PRRC2A: variants seen among roughly 807,000 people sequenced by gnomAD.
The protein encoded by PRRC2A is protein PRRC2A.
Under a neutral mutation model 224.6 loss-of-function variants are expected in PRRC2A, and 59 were observed. The observed-to-expected ratio is 0.26, with a 90% CI of 0.21 to 0.33. PRRC2A has a LOEUF of 0.33. Ranked by LOEUF, PRRC2A falls within the 10% of genes least tolerant of loss-of-function variation. PRRC2A has a pLI of 1.00. For missense variants in PRRC2A, 3,095 were observed against 2,880.7 expected (o/e 1.07, Z -1.70); for synonymous variants, 1,194 against 1,109.5 (o/e 1.08, Z -1.51).
At chr6:31,621,563 C>G (rs533667648) in intron 1 of PRRC2A, among the ~76,000 whole-genome samples, 2 of 151,802 alleles carry the variant, frequency 1.3e-5, no homozygotes, top group South Asian at 2.1e-4. Context: ...TAGTTTTGGT[C>G]TATTCGCTAC....
chr6:31,620,909 T>TGGCGGTGGCGGTGGC (rs1554121046), intron 1 of PRRC2A, 51 bp downstream of exon 1: 3 of 154,140 alleles, frequency 1.9e-5, no homozygotes, highest in African/African-American at 7.3e-5. Context: ...GCGGGAGAGG[T>TGGCGGTGGCGGTGGC]GGTGGCGGTG....
rs1777399995 is a variant in PRRC2A, at chr6:31,636,771, G to A, written c.5973G>A (p.Val1991=). 2 of 1,607,142 alleles carry A rather than the reference G, an allele frequency of 1.2e-6. No individual in the cohort carries two copies. Among genetic ancestry groups the A allele is most frequent in the Non-Finnish European group, 1.7e-6 (2 of 1,179,992 alleles). Residue 1991 remains valine (V), a synonymous_variant, in exon 28 of 31, where the codon GTG becomes GTA. Coordinates refer to ENST00000376033, the MANE Select transcript of PRRC2A (RefSeq NM_004638.4). The surrounding 1 kb of genome is among the most constrained non-coding windows in gnomAD (Gnocchi z 4.3). ...LPMVDSQLPV[V]NFGSLPPAPP... ...TGGTAGACTCACAGCTGCCTGTGGT[G>A]AACTTTGGCTCCCTGCCGCCAGCAC...
chr6:31,626,228 T>A (rs755563569), intron 9 of PRRC2A, 66 bp downstream of exon 9: 1 of 1,525,970 alleles, frequency 6.6e-7, no homozygotes, highest in Non-Finnish European at 9.0e-7. Flanking sequence ...GAAAAAAAAA[T>A]ACAGGGTTAT....
intron 3 of PRRC2A, 100 bp from the exon 4 acceptor site, chr6:31,624,161 A>G (rs1775627986): frequency 2.4e-6 from 3 of 1,236,102 alleles, no homozygotes; most frequent in South Asian, 1.3e-5. Flanking sequence ...ATATTTGTAA[A>G]TGGTAGCAAT....
rs750814968 is a variant in PRRC2A at position 31,624,244 on chromosome 6, C to T, written c.291-17C>T. The stretch of plus-strand genomic sequence containing the variant: ...GGCATCTCAGGTGTGAATAACCTTC[C>T]CATTCTGTCCCCTCAGTTCCGATGC... On this transcript the variant is annotated splice_polypyrimidine_tract_variant and intron_variant, in intron 3 of 30. Coordinates refer to ENST00000376033, the MANE Select transcript of PRRC2A (RefSeq NM_004638.4). 6.2e-7 allele frequency: 1 copy of T among 1,610,420 alleles called. No individual in the cohort carries two copies. Among genetic ancestry groups the T allele is most frequent in the East Asian group, 2.2e-5 (1 of 44,860 alleles).
In PRRC2A at chr6:31,632,187, C is replaced by T; in HGVS notation, c.3514C>T (p.Arg1172Ter). Residue 1172 changes from arginine (R) to a stop codon, truncating the protein, a stop_gained, in exon 16 of 31, where the codon CGA becomes TGA. Transcript: ENST00000376033. LOFTEE classifies it high-confidence loss of function. Reference sequence around the variant, plus strand: ...CAGAGGGGTGCCATCTCGCCGGGGCCGAGGAGGAGGGAGGCCCCCTCCTCA... The same window carrying T: ...CAGAGGGGTGCCATCTCGCCGGGGCTGAGGAGGAGGGAGGCCCCCTCCTCA... ...TPRGVPSRRG[R>*]GGGRPPPQVC... 1 of 1,601,226 alleles carries T rather than the reference C, an allele frequency of 6.2e-7. No homozygotes were observed. Among genetic ancestry groups the T allele is most frequent in the Non-Finnish European group, 8.5e-7 (1 of 1,174,408 alleles).
At position 31,635,597 on chromosome 6, in the gene PRRC2A, C is replaced by A. The variant is rs763982275; in HGVS notation, c.5389C>A (p.Arg1797=). 9 of 1,610,856 alleles carry A rather than the reference C, an allele frequency of 5.6e-6. No homozygotes were observed. The highest frequency in any genetic ancestry group is 7.6e-6 in the Non-Finnish European group (9 of 1,178,622). Residue 1797 remains arginine (R), a synonymous_variant, in exon 24 of 31, where the codon CGA becomes AGA. Coordinates refer to ENST00000376033, the MANE Select transcript of PRRC2A (RefSeq NM_004638.4). Reference sequence around the variant, plus strand: ...TCCTTCCCAGGCCATTCCTGTATCACGAGACTGGGAGCTGCTTCCCAGTGC... The same window carrying A: ...TCCTTCCCAGGCCATTCCTGTATCAAGAGACTGGGAGCTGCTTCCCAGTGC... ...ASVTEAIPVS[R]DWELLPSAAA... is the part of the protein sequence containing the mutation.
Position 31,626,043 on chromosome 6 carries a change from C to A in PRRC2A, c.863C>A (p.Pro288His), listed in dbSNP as rs1775873969. ...AGCCGTTTTCCCCGTGTGGCGGGCC[C>A]CCGAGGCTCAGGGCCACCAATGCGC... The part of the protein sequence containing the change: ...GPSRFPRVAG[P>H]RGSGPPMRLV... The change falls in exon 9 of 31, where the codon CCC becomes CAC. Residue 288 changes from proline to histidine, a missense_variant. This residue lies in a region of PRRC2A where 287 missense variants were observed against 275.3 expected (regional missense o/e 1.04). Coordinates refer to ENST00000376033, the MANE Select transcript of PRRC2A (RefSeq NM_004638.4). 2 of 1,610,224 alleles carry A rather than the reference C, an allele frequency of 1.2e-6. No individual in the cohort carries two copies. Among genetic ancestry groups the A allele is most frequent in the African/African-American group, 2.7e-5 (2 of 74,862 alleles).
Position 31,629,694 on chromosome 6 carries a change from G to T in PRRC2A, c.2103G>T (p.Lys701Asn). Residue 701 changes from lysine to asparagine, a missense_variant, in exon 14 of 31, where the codon AAG becomes AAT. This residue lies in a region of PRRC2A where 2,001 missense variants were observed against 1,764.9 expected (regional missense o/e 1.13). Coordinates refer to ENST00000376033, the MANE Select transcript of PRRC2A (RefSeq NM_004638.4). ...PAPQAPPPPPKALYPGALGRP... is the reference protein window; with the variant it reads ...PAPQAPPPPPNALYPGALGRP... ...CACAGGCTCCACCCCCGCCCCCCAAGGCCCTGTACCCAGGTGCTCTGGGCC... is the reference window on the plus strand; with the variant it reads ...CACAGGCTCCACCCCCGCCCCCCAATGCCCTGTACCCAGGTGCTCTGGGCC... 1 of 1,480,674 alleles carries T rather than the reference G, an allele frequency of 6.8e-7. No individual in the cohort carries two copies. Among genetic ancestry groups the T allele is most frequent in the Non-Finnish European group, 9.2e-7 (1 of 1,084,082 alleles). 91.7% of individuals were successfully genotyped at this position (1,480,674 alleles called of 1,614,324 possible). A position where few individuals can be genotyped will look rare whatever the true frequency, so the allele number is the denominator to read the frequency against.
intron 13 of PRRC2A, 56 bp from the exon 14 acceptor site, chr6:31,629,492 T>G (rs1390621617): frequency 1.3e-5 from 18 of 1,416,248 alleles, no homozygotes; most frequent in Non-Finnish European, 1.8e-5. Flanking sequence ...CTTTGCTGAT[T>G]CCTTTGTCCA....
At position 31,629,609 on chromosome 6, in the gene PRRC2A, C is replaced by T. The variant is rs756022024; in HGVS notation, c.2018C>T (p.Pro673Leu). The change falls in exon 14 of 31, where the codon CCT (proline) becomes CTT (leucine). Residue 673 changes from proline to leucine, a missense_variant. Pro to Leu is a moderately conservative substitution (Grantham distance 98, BLOSUM62 -3). Transcript: ENST00000376033. ...QWQQHQQGSA[P>L]PTPVPPSPPQ... is the part of the protein sequence containing the mutation. ...CAGCAGCATCAACAGGGCTCTGCCCCTCCTACCCCAGTGCCCCCATCACCA... is the reference window on the plus strand; with the variant it reads ...CAGCAGCATCAACAGGGCTCTGCCCTTCCTACCCCAGTGCCCCCATCACCA... The T allele has an allele frequency of 3.1e-6, 5 of 1,612,664 alleles. No individual in the cohort carries two copies. The highest frequency in any genetic ancestry group is 4.2e-6 in the Non-Finnish European group (5 of 1,179,612).
Position 31,628,158 on chromosome 6 carries a change from G to A in PRRC2A, c.1684G>A (p.Gly562Ser). The A allele has an allele frequency of 6.2e-7, 1 of 1,613,098 alleles. No homozygotes were observed. The highest frequency in any genetic ancestry group is 8.5e-7 in the Non-Finnish European group (1 of 1,180,034). Residue 562 changes from glycine (G) to serine (S), a missense_variant, in exon 12 of 31, where the codon GGT (glycine) becomes AGT (serine). Around this residue, in one of 8 missense-constraint regions of PRRC2A, gnomAD observed 2,001 missense variants for 1,764.9 expected, o/e 1.13. Coordinates refer to ENST00000376033, the MANE Select transcript of PRRC2A (RefSeq NM_004638.4). The part of the protein sequence containing the change: ...APPAQSTPTP[G>S]VAAAPTLVSG... ...TCCTGCCCAATCTACTCCTACTCCAGGTGTGGCTGCGGCTCCCACTCTGGT... is the reference window on the plus strand; with the variant it reads ...TCCTGCCCAATCTACTCCTACTCCAAGTGTGGCTGCGGCTCCCACTCTGGT...
chr6:31,624,459 T>G lies in PRRC2A; in HGVS notation c.400T>G (p.Leu134Val), dbSNP rs1418429748. 6.2e-7 allele frequency: 1 copy of G among 1,613,516 alleles called. No individual in the cohort carries two copies. The highest frequency in any genetic ancestry group is 8.5e-7 in the Non-Finnish European group (1 of 1,179,534). Residue 134 changes from leucine to valine, a missense_variant, in exon 5 of 31, where the codon TTG becomes GTG. Coordinates refer to ENST00000376033, the MANE Select transcript of PRRC2A (RefSeq NM_004638.4). Reference protein sequence around the residue: ...RPPAAPENTPLVPSGVKSWAQ... With the variant: ...RPPAAPENTPVVPSGVKSWAQ... ...CTGAACACTTCCCCAGAACACTCCTTTGGTTCCAAGCGGGGTAAAGTCCTG... is the reference window on the plus strand; with the variant it reads ...CTGAACACTTCCCCAGAACACTCCTGTGGTTCCAAGCGGGGTAAAGTCCTG...
At position 31,625,971 on chromosome 6, in the gene PRRC2A, G is replaced by T; in HGVS notation, c.840-49G>T. The T allele has an allele frequency of 6.2e-7, 1 of 1,604,020 alleles. No individual in the cohort carries two copies. Among genetic ancestry groups the T allele is most frequent in the Non-Finnish European group, 8.5e-7 (1 of 1,174,292 alleles). ...GGAGGCTCAGTCTAGGATCAGTCTC[G>T]CATGTGGTTATACAACATGCCATAT... On this transcript the variant is annotated intron_variant, in intron 8 of 30. Transcript: ENST00000376033. The surrounding 1 kb of genome is among the most constrained non-coding windows in gnomAD (Gnocchi z 4.1).
intron 13 of PRRC2A, 98 bp downstream of exon 13, chr6:31,629,432 T>G (rs763010540): frequency 8.2e-6 from 12 of 1,468,396 alleles, no homozygotes; most frequent in Non-Finnish European, 1.0e-5. Context: ...TTTGCTTCTT[T>G]GTCCAGTTGT....
rs1252675061 is a variant in PRRC2A, at chr6:31,637,273, T to G, written c.6282T>G (p.Pro2094=). The G allele has an allele frequency of 6.2e-7, 1 of 1,612,632 alleles. No individual in the cohort carries two copies. ...SGLNSRLKAT[P]STYSGVFRTQ... is the part of the protein sequence containing the mutation. ...TCAATTCCCGTCTCAAGGCCACGCC[T>G]TCCACCTACAGTGGAGTCTTCCGCA... Residue 2094 remains proline, a synonymous_variant, in exon 30 of 31, where the codon CCT becomes CCG. Coordinates refer to ENST00000376033, the MANE Select transcript of PRRC2A (RefSeq NM_004638.4).
At chr6:31,633,130 T>C in intron 16 of PRRC2A, 138 bp downstream of exon 16, 1 of 1,284,246 alleles carries the variant, frequency 7.8e-7, no homozygotes. Context: ...AGGATTTCCA[T>C]GTCTGGCTAA....
rs1777721283 is a variant in PRRC2A at position 31,637,691 on chromosome 6, C to T, written c.*105C>T. ...GGGTTCTGGGGCTGGGGCCTCACTT[C>T]CCCTCCTCCCCCTTCCCCTGGTCCC... On this transcript the variant is annotated 3_prime_UTR_variant, in exon 31 of 31. Transcript: ENST00000376033. 3.3e-6 allele frequency: 2 copies of T among 613,678 alleles called. No homozygotes were observed. The highest frequency in any genetic ancestry group is 5.0e-6 in the Non-Finnish European group (2 of 402,222). The allele number at this position is 613,678 out of a possible 1,614,324, so 38.0% of individuals were successfully genotyped here. A position where few individuals can be genotyped will look rare whatever the true frequency, so the allele number is the denominator to read the frequency against.
rs1173675220 is a variant in PRRC2A, at chr6:31,632,047, C to A, written c.3374C>A (p.Pro1125His). ...CTGGCTCCTTCAGACAAGGAGGCTC[C>A]CACACCCAAGGAGGGAACACTCACC... The part of the protein sequence containing the change: ...SDLAPSDKEA[P>H]TPKEGTLTQV... The change falls in exon 16 of 31, where the codon CCC (proline) becomes CAC (histidine). Residue 1125 changes from proline to histidine, a missense_variant. By Grantham distance (77) the Pro-to-His change is moderately conservative. Coordinates refer to ENST00000376033, the MANE Select transcript of PRRC2A (RefSeq NM_004638.4). The A allele has an allele frequency of 2.5e-6, 4 of 1,586,680 alleles. 1 individual carries two copies. In the Admixed American group the frequency reaches 6.9e-5, roughly 27 times the overall value.
Sources: allele counts gnomAD v4.1 joint callset (sites outside exome capture counted in the v4.1 genomes callset), GRCh38; gene constraint gnomAD v4.1.1; regional missense constraint gnomAD v4.1.1; non-coding constraint Gnocchi (gnomAD v3.1); transcripts MANE v1.5; gene names NCBI Gene and HGNC (gene_info 2026-07-23, HGNC 2026-07-21).